The following ADK variants were observed in gnomAD, a reference collection of about 807,000 sequenced individuals.
ADK encodes the protein adenosine kinase.
Under a neutral mutation model 44.7 loss-of-function variants are expected in ADK, and 24 were observed. That is an observed-to-expected ratio of 0.54 (90% CI 0.39 to 0.76). ADK has a LOEUF of 0.76. Ranked by LOEUF, ADK falls within the 30% of genes least tolerant of loss-of-function variation. The pLI is 0.00. For missense variants in ADK, 321 were observed against 425.1 expected (o/e 0.76, Z 2.15); for synonymous variants, 128 against 142.6 (o/e 0.90, Z 0.73).
At chr10:74,293,165 CAAAAAAAAAA>C (rs59635944) in intron 3 of ADK, among the ~76,000 whole-genome samples, 4 of 79,158 alleles carry the variant, frequency 5.1e-5, no homozygotes, top group East Asian at 8.7e-4. Flanking sequence ...AACCCTGTCT[CAAAAAAAAAA>C]AAAAAAAAAA....
At chr10:74,270,602 T>G (rs1846392617) in intron 3 of ADK, among the ~76,000 whole-genome samples, 1 of 152,138 alleles carries the variant, frequency 6.6e-6, no homozygotes, top group Non-Finnish European at 1.5e-5. Flanking sequence ...CTGAAAAGAT[T>G]TTGTGGGACC....
intron 9 of ADK, among the ~76,000 whole-genome samples, chr10:74,642,919 A>G (rs1307767941): frequency 1.4e-5 from 2 of 145,768 alleles, no homozygotes; most frequent in Admixed American, 1.4e-4. Context: ...AGCTCACTGT[A>G]GCCTCAAACT....
At chr10:74,676,703 C>T (rs1855406751) in intron 10 of ADK, among the ~76,000 whole-genome samples, 1 of 152,132 alleles carries the variant, frequency 6.6e-6, no homozygotes, top group Non-Finnish European at 1.5e-5. Flanking sequence ...AAGCAGTCCT[C>T]CTGCCTAGGA....
At chr10:74,193,357 G>A (rs971926092) in intron 1 of ADK, among the ~76,000 whole-genome samples, 2 of 151,770 alleles carry the variant, frequency 1.3e-5, no homozygotes, top group South Asian at 2.1e-4. Context: ...CCATTAACTC[G>A]TCATTTAACA....
chr10:74,186,589 C>T (rs926520673), intron 1 of ADK, among the ~76,000 whole-genome samples: 3 of 152,102 alleles, frequency 2.0e-5, no homozygotes, highest in Admixed American at 6.6e-5. Context: ...CAGGTGTGAG[C>T]CACTGTGCCT....
At chr10:74,511,940 G>A (rs1848347526) in intron 6 of ADK, among the ~76,000 whole-genome samples, 1 of 151,934 alleles carries the variant, frequency 6.6e-6, no homozygotes, top group Admixed American at 6.6e-5. Context: ...GTCATGTTGA[G>A]GTAATTTCAA....
chr10:74,281,835 G>A (rs1354759154), intron 3 of ADK, among the ~76,000 whole-genome samples: 6 of 152,042 alleles, frequency 3.9e-5, no homozygotes, highest in Non-Finnish European at 7.4e-5. Context: ...AAAAATTATT[G>A]CTGTCTTTGT....
chr10:74,622,427 TAA>T (rs906694874), intron 9 of ADK, among the ~76,000 whole-genome samples: 1 of 149,122 alleles, frequency 6.7e-6, no homozygotes. Flanking sequence ...CTTCTTTATT[TAA>T]AAAAAAAAAT....
chr10:74,259,287 G>T (rs182518115), intron 3 of ADK, among the ~76,000 whole-genome samples: 1 of 151,712 alleles, frequency 6.6e-6, no homozygotes, highest in Admixed American at 6.6e-5. Context: ...ATGTAAGCAT[G>T]TGCACAAATG....
intron 1 of ADK, among the ~76,000 whole-genome samples, chr10:74,182,659 G>A (rs985799659): frequency 9.9e-5 from 15 of 151,990 alleles, no homozygotes; most frequent in African/African-American, 3.6e-4. Flanking sequence ...CTACCGTGCC[G>A]GCCAGGAATC....
chr10:74,590,008 A>G (rs182952597), intron 8 of ADK, among the ~76,000 whole-genome samples: 63 of 152,278 alleles, frequency 4.1e-4, no homozygotes, highest in African/African-American at 1.3e-3. Context: ...TCAAAACTCC[A>G]TGTGGTTGTT....
chr10:74,450,928 T>C (rs1412841259), intron 6 of ADK, among the ~76,000 whole-genome samples: 2 of 152,096 alleles, frequency 1.3e-5, no homozygotes, highest in Admixed American at 6.5e-5. Flanking sequence ...TCTGTTAATA[T>C]ATATAAATTG....
intron 6 of ADK, among the ~76,000 whole-genome samples, chr10:74,467,613 C>A (rs57689030): frequency 0.031 from 4,765 of 151,904 alleles, 212 homozygotes; most frequent in African/African-American, 0.096. Context: ...GAAATGAAAT[C>A]TTTTCTTTTT....
intron 4 of ADK, among the ~76,000 whole-genome samples, chr10:74,362,282 T>C (rs1264282163): frequency 6.6e-6 from 1 of 152,134 alleles, no homozygotes; most frequent in Non-Finnish European, 1.5e-5. Context: ...CTCACCATAT[T>C]TTTAATCATT....
intron 3 of ADK, among the ~76,000 whole-genome samples, chr10:74,265,125 A>G (rs371848970): frequency 1.3e-5 from 2 of 152,182 alleles, no homozygotes; most frequent in South Asian, 2.1e-4. Context: ...TAAAATGAAA[A>G]TAACAGTGAT....
intron 2 of ADK, among the ~76,000 whole-genome samples, chr10:74,222,005 G>A (rs1390724680): frequency 6.6e-6 from 1 of 152,174 alleles, no homozygotes; most frequent in Non-Finnish European, 1.5e-5. Flanking sequence ...GGCAACAAAA[G>A]CCAAAATTGA....
intron 3 of ADK, among the ~76,000 whole-genome samples, chr10:74,269,222 A>C (rs1846333850): frequency 6.6e-6 from 1 of 151,988 alleles, no homozygotes; most frequent in Non-Finnish European, 1.5e-5. Context: ...GAGCCTCCTT[A>C]ATTGTTTTTA....
chr10:74,357,471 T>A (rs1229102253), intron 4 of ADK, among the ~76,000 whole-genome samples: 1 of 151,604 alleles, frequency 6.6e-6, no homozygotes, highest in Non-Finnish European at 1.5e-5. Context: ...TTTTTTTTTT[T>A]TTTTTTTTTT....
At chr10:74,308,834 G>GCA (rs1186541862) in intron 3 of ADK, among the ~76,000 whole-genome samples, 1 of 151,914 alleles carries the variant, frequency 6.6e-6, no homozygotes, top group Non-Finnish European at 1.5e-5. Flanking sequence ...TATGCTGAGC[G>GCA]CACACACACT....
Sources: allele counts gnomAD v4.1 joint callset (sites outside exome capture counted in the v4.1 genomes callset), GRCh38; gene constraint gnomAD v4.1.1; transcripts MANE v1.5; gene names NCBI Gene and HGNC (gene_info 2026-07-23, HGNC 2026-07-21).